Variants in PPP2R3A observed in about 807,000 individuals in gnomAD.
PPP2R3A encodes the protein protein phosphatase 2 regulatory subunit B''alpha.
A neutral mutation model predicts 106.9 loss-of-function variants in PPP2R3A; 80 were observed. That is an observed-to-expected ratio of 0.75 (90% CI 0.62 to 0.90). The LOEUF is 0.90. Among genes scored for constraint, PPP2R3A ranks in the 40% least tolerant of loss-of-function variants. The pLI is 0.00. For missense variants in PPP2R3A, 1,386 were observed against 1,350.4 expected, an observed-to-expected ratio of 1.03 and a Z score of -0.41; for synonymous variants, 483 against 468.3, an observed-to-expected ratio of 1.03 and a Z score of -0.41.
chr3:136,010,198 T>C (rs1407267744), intron 2 of PPP2R3A, among the ~76,000 whole-genome samples: 1 of 151,910 alleles, frequency 6.6e-6, no homozygotes. Context: ...CCTTTCCTTC[T>C]ATTTCTATTA....
intron 2 of PPP2R3A, among the ~76,000 whole-genome samples, chr3:136,013,350 T>G (rs143623440): frequency 1.3e-5 from 2 of 152,172 alleles, no homozygotes; most frequent in Non-Finnish European, 1.5e-5. Flanking sequence ...TAATGACTTC[T>G]CTTCCTCTGG....
chr3:136,129,984 T>C (rs1159869926), intron 13 of PPP2R3A, among the ~76,000 whole-genome samples: 2 of 152,142 alleles, frequency 1.3e-5, no homozygotes, highest in Non-Finnish European at 1.5e-5. Context: ...CTAAACACTC[T>C]CAATAAACTA....
chr3:136,138,476 T>A (rs1485492356), intron 13 of PPP2R3A, among the ~76,000 whole-genome samples: 2 of 152,172 alleles, frequency 1.3e-5, no homozygotes, highest in Admixed American at 6.5e-5. Flanking sequence ...AAGCAAGTGG[T>A]ACATATTAGG....
chr3:136,067,554 T>C (rs1559900311), intron 5 of PPP2R3A, among the ~76,000 whole-genome samples: 1 of 152,228 alleles, frequency 6.6e-6, no homozygotes, highest in Non-Finnish European at 1.5e-5. Flanking sequence ...ACTAGAATTC[T>C]CTGGACAGAG....
At chr3:136,114,364 AGTT>A (rs549509322) in intron 13 of PPP2R3A, among the ~76,000 whole-genome samples, 177 of 152,112 alleles carry the variant, frequency 1.2e-3, no homozygotes, top group Middle Eastern at 6.8e-3. Context: ...GAGCTTCAGG[AGTT>A]GTTGTTTTTT....
At chr3:136,024,981 C>T (rs1934598047) in intron 2 of PPP2R3A, among the ~76,000 whole-genome samples, 1 of 152,068 alleles carries the variant, frequency 6.6e-6, no homozygotes, top group Admixed American at 6.6e-5. Context: ...TTTGTTAACT[C>T]AAAAGTGGTT....
intron 2 of PPP2R3A, among the ~76,000 whole-genome samples, chr3:136,020,304 T>C (rs1934421042): frequency 6.6e-6 from 1 of 152,110 alleles, no homozygotes; most frequent in South Asian, 2.1e-4. Context: ...CAGGCATTAA[T>C]TTATTCTGAT....
At chr3:135,998,961 T>C (rs1265106888) in intron 1 of PPP2R3A, among the ~76,000 whole-genome samples, 1 of 152,188 alleles carries the variant, frequency 6.6e-6, no homozygotes, top group African/African-American at 2.4e-5. Flanking sequence ...ATTGTCCAGC[T>C]TTTCTGAAAA....
chr3:136,144,137 A>G lies in PPP2R3A; in HGVS notation c.3330-906A>G, dbSNP rs76694271. 8.0e-3 allele frequency among the ~76,000 whole-genome samples: 1,220 copies of G among 152,346 alleles called. 21 individuals are homozygous for G. Among genetic ancestry groups the G allele is most frequent in the African/African-American group, 0.027 (1,120 of 41,576 alleles). ...TCTGCCTAAAGCCAACCTTAGGGGT[A>G]GCCTGGAGGATACAGAATTCAGGGG... On this transcript the variant is annotated intron_variant, in intron 13 of 13. Transcript: ENST00000264977.
At chr3:136,142,579 T>C (rs573490982) in intron 13 of PPP2R3A, among the ~76,000 whole-genome samples, 3 of 152,306 alleles carry the variant, frequency 2.0e-5, no homozygotes, top group South Asian at 2.1e-4. Context: ...CAAACCCAGA[T>C]TGGAACCTGA....
At chr3:136,023,853 T>G (rs545883602) in intron 2 of PPP2R3A, among the ~76,000 whole-genome samples, 1 of 152,238 alleles carries the variant, frequency 6.6e-6, no homozygotes, top group African/African-American at 2.4e-5. Context: ...CTTTCTTGCT[T>G]AAAACCTATG....
intron 13 of PPP2R3A, among the ~76,000 whole-genome samples, chr3:136,108,464 A>G (rs1215086797): frequency 6.6e-6 from 1 of 152,226 alleles, no homozygotes; most frequent in Non-Finnish European, 1.5e-5. Context: ...AAAATTAGGT[A>G]TAGGTAAGGA....
chr3:136,063,452 C>T (rs1411283571), intron 5 of PPP2R3A, among the ~76,000 whole-genome samples: 1 of 152,140 alleles, frequency 6.6e-6, no homozygotes, highest in Non-Finnish European at 1.5e-5. Context: ...AGCTTCTGCA[C>T]AGCAAAAGAA....
intron 3 of PPP2R3A, among the ~76,000 whole-genome samples, chr3:136,040,552 A>G (rs1019451794): frequency 1.3e-5 from 2 of 152,184 alleles, no homozygotes; most frequent in South Asian, 2.1e-4. Flanking sequence ...AAAAGAAGAA[A>G]GTGGTGGGAA....
intron 5 of PPP2R3A, among the ~76,000 whole-genome samples, chr3:136,052,463 A>G (rs1407443810): frequency 6.6e-6 from 1 of 152,172 alleles, no homozygotes; most frequent in Non-Finnish European, 1.5e-5. Flanking sequence ...CCTCAGGACT[A>G]TAACAGTATC....
chr3:136,058,947 TTAA>T, intron 5 of PPP2R3A, among the ~76,000 whole-genome samples: 1 of 152,050 alleles, frequency 6.6e-6, no homozygotes, highest in Non-Finnish European at 1.5e-5. Context: ...CACATGCAGA[TTAA>T]AACTAGATGC....
intron 8 of PPP2R3A, among the ~76,000 whole-genome samples, chr3:136,083,695 T>C (rs1936850337): frequency 6.6e-6 from 1 of 152,024 alleles, no homozygotes; most frequent in Non-Finnish European, 1.5e-5. Context: ...GACAGGAACA[T>C]GTGGGAAAGT....
intron 1 of PPP2R3A, among the ~76,000 whole-genome samples, chr3:135,967,627 C>T (rs893813594): frequency 6.6e-6 from 1 of 152,170 alleles, no homozygotes; most frequent in Non-Finnish European, 1.5e-5. Context: ...CTCCTCCTTG[C>T]TCCTGACAAA....
intron 13 of PPP2R3A, among the ~76,000 whole-genome samples, chr3:136,107,461 A>T (rs1288735976): frequency 1.8e-5 from 2 of 113,228 alleles, no homozygotes; most frequent in Admixed American, 1.2e-4. Context: ...TTTTTGAGAC[A>T]GTCTCAAATG....
Sources: allele counts gnomAD v4.1 joint callset (sites outside exome capture counted in the v4.1 genomes callset), GRCh38; gene constraint gnomAD v4.1.1; transcripts MANE v1.5; gene names NCBI Gene and HGNC (gene_info 2026-07-23, HGNC 2026-07-21).